TJP2: variants seen among roughly 807,000 people sequenced by gnomAD.
TJP2 encodes Friedreich ataxia region gene X104 (tight junction protein ZO-2).
In TJP2, 91 loss-of-function variants were observed where a neutral mutation model predicts 133.1. The ratio of observed to expected loss-of-function variants is 0.68; its 90% CI spans 0.58 to 0.81. The LOEUF (loss-of-function observed/expected upper bound fraction) is 0.81, where lower values mean the gene tolerates loss of function less well. TJP2 is among the 40% of genes least tolerant of loss of function. TJP2 has a pLI of 0.00. For missense variants in TJP2, 1,541 were observed against 1,565.6 expected (o/e 0.98, Z 0.26); for synonymous variants, 592 against 583.4 (o/e 1.01, Z -0.21).
At chr9:69,229,078 A>G (rs950203889) in intron 9 of TJP2, 106 bp from the exon 10 acceptor site, 246 of 1,010,628 alleles carry the variant, frequency 2.4e-4, no homozygotes, top group Non-Finnish European at 1.9e-5. Flanking sequence ...TTGTGGTGAC[A>G]TATGTGGCAT....
intron 1 of TJP2, chr9:69,204,918 G>GGAGA: frequency 8.0e-7 from 1 of 1,244,404 alleles, no homozygotes; most frequent in Non-Finnish European, 1.0e-6. Context: ...GGAGAGAGAG[G>GGAGA]GAGAGAAAGA....
At chr9:69,220,702 A>G (rs947477245) in intron 4 of TJP2, among the ~76,000 whole-genome samples, 185 bp from the exon 5 acceptor site, 9 of 152,224 alleles carry the variant, frequency 5.9e-5, no homozygotes, top group Non-Finnish European at 8.8e-5. Context: ...TCAGAGCTTC[A>G]CGGTCATTGT....
intron 2 of TJP2, among the ~76,000 whole-genome samples, chr9:69,155,248 A>G (rs1370165086): frequency 7.0e-6 from 1 of 142,668 alleles, no homozygotes; most frequent in Non-Finnish European, 1.5e-5. Context: ...AAAAAAAAAA[A>G]AGGAAAAGAA....
At position 69,125,249 on chromosome 9, in the gene TJP2, G is replaced by A. The variant is rs1304601027; in HGVS notation, c.-131+3524G>A. 3.2e-4 allele frequency among the ~76,000 whole-genome samples: 23 copies of A among 72,898 alleles called. 9 individuals carry two copies. The highest frequency in any genetic ancestry group is 6.2e-4 in the Non-Finnish European group (20 of 32,418). The allele number at this position is 72,898 out of a possible 152,430, so 47.8% of individuals were successfully genotyped here. A position where few individuals can be genotyped will look rare whatever the true frequency, so the allele number is the denominator to read the frequency against. On this transcript the variant is annotated intron_variant, in intron 1 of 5. Transcript: ENST00000423935. ...ATTACAGGTGTGAGCCACTGCGCCC[G>A]GCCAAGTCAAAGTCTTTATACTACA...
chr9:69,158,327 CAAAA>C (rs1156502519), intron 2 of TJP2, among the ~76,000 whole-genome samples: 2 of 52,768 alleles, frequency 3.8e-5, no homozygotes, highest in African/African-American at 7.6e-5. Context: ...GACTTTGCCT[CAAAA>C]AAAAAAAAAA....
intron 2 of TJP2, among the ~76,000 whole-genome samples, chr9:69,215,319 A>AAAAATG (rs1344818713): frequency 3.9e-5 from 6 of 152,006 alleles, no homozygotes; most frequent in Non-Finnish European, 7.4e-5. Context: ...AATCTAAAAT[A>AAAAATG]AAAATAAAAT....
chr9:69,129,059 G>T lies in TJP2; in HGVS notation c.-131+7334G>T, dbSNP rs185584956. 7.9e-5 allele frequency among the ~76,000 whole-genome samples: 12 copies of T among 152,306 alleles called. No homozygotes were observed. In the East Asian group the frequency reaches 2.3e-3, roughly 29 times the overall value. On this transcript the variant is annotated intron_variant, in intron 1 of 5. Transcript: ENST00000423935. ...ATTTGAATGAAGAATTAATGAATAC[G>T]TAGTTTCTTGGGGTTGATGGGGAGT...
intron 19 of TJP2, 199 bp downstream of exon 19, chr9:69,248,423 GA>G: frequency 7.0e-7 from 1 of 1,430,576 alleles, no homozygotes; most frequent in Non-Finnish European, 9.2e-7. Flanking sequence ...GTGGACTTCA[GA>G]AGAGCTTGAG....
chr9:69,251,442 T>C (rs1470701703), intron 21 of TJP2, 78 bp downstream of exon 21: 2 of 1,453,084 alleles, frequency 1.4e-6, no homozygotes, highest in Non-Finnish European at 1.9e-6. Context: ...AACAGCCCCT[T>C]TGCTGCTGCT....
chr9:69,246,690 C>A lies in TJP2; in HGVS notation c.2567C>A (p.Ala856Asp). ...LKKTCAHLFT[A>D]TINLNSANDS... Reference sequence around the variant, plus strand: ...GACCTTTTTGTTTATATTTCTATAGCTACAATCAACCTAAATTCAGCCAAT... The same window carrying A: ...GACCTTTTTGTTTATATTTCTATAGATACAATCAACCTAAATTCAGCCAAT... Residue 856 changes from alanine (A) to aspartate (D), a missense_variant and splice_region_variant, in exon 18 of 23, where the codon GCT becomes GAT. Physicochemically the swap from Ala to Asp is moderately radical, Grantham distance 126 (BLOSUM62 -2). Coordinates refer to ENST00000377245, the MANE Select transcript of TJP2 (RefSeq NM_004817.4). 6.2e-7 allele frequency: 1 copy of A among 1,613,418 alleles called. No individual in the cohort carries two copies. The highest frequency in any genetic ancestry group is 8.5e-7 in the Non-Finnish European group (1 of 1,179,452).
chr9:69,221,320 C>G lies in TJP2; in HGVS notation c.776C>G (p.Pro259Arg), dbSNP rs762846865. The change falls in exon 5 of 23, where the codon CCA (proline) becomes CGA (arginine). Residue 259 changes from proline to arginine, a missense_variant. Physicochemically the swap from Pro to Arg is moderately radical, Grantham distance 103 (BLOSUM62 -2). Transcript: ENST00000377245. The part of the protein sequence containing the change: ...YERAYHRAYD[P>R]DYERAYSPEY... ...CGAGCCTATCACCGGGCCTACGACCCAGACTACGAGCGGGCCTACAGCCCG... is the reference window on the plus strand; with the variant it reads ...CGAGCCTATCACCGGGCCTACGACCGAGACTACGAGCGGGCCTACAGCCCG... 2.5e-6 allele frequency: 4 copies of G among 1,602,070 alleles called. No individual in the cohort carries two copies. The highest frequency in any genetic ancestry group is 3.4e-6 in the Non-Finnish European group (4 of 1,174,822).
chr9:69,167,688 TGA>T (rs1824429716), intron 2 of TJP2, among the ~76,000 whole-genome samples: 1 of 151,854 alleles, frequency 6.6e-6, no homozygotes, highest in Admixed American at 6.6e-5. Context: ...GCCAACGTGG[TGA>T]AACTCCACCT....
chr9:69,235,354 G>A (rs943690480), intron 12 of TJP2, among the ~76,000 whole-genome samples: 1 of 151,484 alleles, frequency 6.6e-6, no homozygotes, highest in Non-Finnish European at 1.5e-5. Context: ...ACGGAGTCTG[G>A]CTTTGTCGCT....
chr9:69,147,711 C>T (rs1489509679), intron 1 of TJP2, among the ~76,000 whole-genome samples: 1 of 152,190 alleles, frequency 6.6e-6, no homozygotes, highest in Non-Finnish European at 1.5e-5. Flanking sequence ...ATCTCTGCTT[C>T]TCCTCATTTC....
chr9:69,144,859 AGGG>A (rs1823147679), intron 1 of TJP2, among the ~76,000 whole-genome samples: 1 of 152,200 alleles, frequency 6.6e-6, no homozygotes, highest in Admixed American at 6.5e-5. Context: ...TGTTCACCCC[AGGG>A]AAGACTGGTT....
At chr9:69,216,540 C>T in intron 3 of TJP2, 77 bp downstream of exon 3, 2 of 1,494,318 alleles carry the variant, frequency 1.3e-6, no homozygotes, top group East Asian at 2.3e-5. Flanking sequence ...GGTTGGTGTC[C>T]ACTTTATTTA....
At chr9:69,162,790 G>T (rs1316847480) in intron 2 of TJP2, among the ~76,000 whole-genome samples, 6 of 152,198 alleles carry the variant, frequency 3.9e-5, no homozygotes, top group African/African-American at 1.4e-4. Context: ...GTGCTCAGTA[G>T]TTGGCTCTGG....
chr9:69,246,648 C>T, intron 17 of TJP2, 42 bp from the exon 18 acceptor site: 2 of 1,525,220 alleles, frequency 1.3e-6, no homozygotes, highest in Non-Finnish European at 1.8e-6. Flanking sequence ...ATAAACATGC[C>T]TCTGGAAATT....
chr9:69,233,369 T>C (rs987110430), intron 11 of TJP2, among the ~76,000 whole-genome samples: 1 of 152,262 alleles, frequency 6.6e-6, no homozygotes, highest in Non-Finnish European at 1.5e-5. Context: ...AAATATTTCA[T>C]AGGAATTTTA....
Sources: gnomAD v4.1 joint callset for allele counts (sites outside exome capture counted in the v4.1 genomes callset) on GRCh38, gnomAD v4.1.1 for gene constraint, MANE v1.5 for transcripts, NCBI Gene and HGNC (gene_info 2026-07-23, HGNC 2026-07-21) for gene names.